TRPM8: variants seen among roughly 807,000 people sequenced by gnomAD.
TRPM8 encodes the protein transient receptor potential cation channel subfamily M member 8.
TRPM8 carries 110 observed loss-of-function variants against 133.7 expected under a neutral mutation model. That is an observed-to-expected ratio of 0.82 (90% confidence interval 0.70 to 0.96). TRPM8 has a LOEUF of 0.96. Ranked by LOEUF, TRPM8 falls within the 40% of genes least tolerant of loss-of-function variation. The probability of loss-of-function intolerance (pLI) is 0.00; values close to 1 mark genes in which losing one functional copy is unlikely to be tolerated. For missense variants in TRPM8, 1,291 were observed against 1,379.5 expected, an observed-to-expected ratio of 0.94 and a Z score of 1.02; for synonymous variants, 535 against 532.3, an observed-to-expected ratio of 1.01 and a Z score of -0.07.
chr2:233,995,848 C>T (rs1692388574), intron 21 of TRPM8, among the ~76,000 whole-genome samples: 1 of 151,748 alleles, frequency 6.6e-6, no homozygotes, highest in African/African-American at 2.4e-5. Flanking sequence ...GGTAGATTCC[C>T]AGAAGTAAAG....
intron 12 of TRPM8, among the ~76,000 whole-genome samples, chr2:233,963,014 T>C (rs1361319264): frequency 4.6e-5 from 7 of 152,222 alleles, no homozygotes; most frequent in Non-Finnish European, 7.3e-5. Flanking sequence ...TCAGGAGTCA[T>C]TCAGTTTTCA....
intron 11 of TRPM8, among the ~76,000 whole-genome samples, chr2:233,956,657 A>G (rs567072800): frequency 6.6e-6 from 1 of 152,342 alleles, no homozygotes; most frequent in African/African-American, 2.4e-5. Context: ...CTATTGTTGT[A>G]TAATCAAAGA....
chr2:233,927,738 CTTT>C (rs1691552710), intron 2 of TRPM8, among the ~76,000 whole-genome samples: 1 of 58,980 alleles, frequency 1.7e-5, no homozygotes, highest in Non-Finnish European at 2.6e-5. Context: ...TTCTTTCTTT[CTTT>C]CTTTCTTTCT....
chr2:233,953,072 C>A (rs1691206613), intron 9 of TRPM8, among the ~76,000 whole-genome samples: 1 of 152,156 alleles, frequency 6.6e-6, no homozygotes, highest in African/African-American at 2.4e-5. Flanking sequence ...AGTTTTCATT[C>A]ATTTCCTCAT....
rs1692216222 is a variant in TRPM8 at position 233,989,140 on chromosome 2, G to C, written c.2939+3275G>C. On this transcript the variant is annotated intron_variant, in intron 21 of 25. Transcript: ENST00000324695. The surrounding 1 kb of genome is among the most constrained non-coding windows in gnomAD (Gnocchi z 4.2). ...AGAGCTTTTTTGAATCTATGCACAT[G>C]AGCTGTCTGAAGGAGCCATTCATGA... Among the ~76,000 whole-genome samples the C allele has an allele frequency of 6.6e-6, 1 of 152,182 alleles. No homozygotes were observed. Among genetic ancestry groups the C allele is most frequent in the Non-Finnish European group, 1.5e-5 (1 of 68,044 alleles).
chr2:233,987,241 G>A (rs1559542882), intron 21 of TRPM8, among the ~76,000 whole-genome samples: 1 of 152,132 alleles, frequency 6.6e-6, no homozygotes, highest in Non-Finnish European at 1.5e-5. Context: ...ATCTATATCT[G>A]TTAACTTGAA....
intron 22 of TRPM8, among the ~76,000 whole-genome samples, chr2:234,005,927 TACACACAC>T (rs35379195): frequency 6.7e-4 from 91 of 136,078 alleles, no homozygotes; most frequent in African/African-American, 1.4e-3. Flanking sequence ...AAACGTCATC[TACACACAC>T]ACACACACAC....
intron 22 of TRPM8, among the ~76,000 whole-genome samples, chr2:234,001,410 A>G (rs1447971542): frequency 2.0e-5 from 3 of 152,206 alleles, no homozygotes; most frequent in African/African-American, 7.2e-5. Flanking sequence ...CCAGAAACCA[A>G]TGAAAAAAGT....
Position 233,951,975 on chromosome 2 carries a change from A to G in TRPM8, c.1140+1829A>G, listed in dbSNP as rs186494891. On this transcript the variant is annotated intron_variant, in intron 9 of 25. Coordinates refer to ENST00000324695, the MANE Select transcript of TRPM8 (RefSeq NM_024080.5). The stretch of plus-strand genomic sequence containing the variant: ...GTTTCTTGACCACTCTAAGCGATGC[A>G]TTATACCTCTCCCACTGGGCTCACA... Among the ~76,000 whole-genome samples the G allele has an allele frequency of 3.3e-5, 5 of 152,256 alleles. No individual in the cohort carries two copies. In the East Asian group the frequency reaches 7.7e-4, roughly 24 times the overall value.
intron 22 of TRPM8, among the ~76,000 whole-genome samples, chr2:233,998,788 CAGA>C (rs1184625877): frequency 6.6e-6 from 1 of 152,076 alleles, no homozygotes; most frequent in Non-Finnish European, 1.5e-5. Flanking sequence ...TTAAGGTGAG[CAGA>C]TTCTACCCAT....
Position 234,006,877 on chromosome 2 carries a change from C to T in TRPM8, c.3155C>T (p.Thr1052Ile), listed in dbSNP as rs770106145. 1.9e-6 allele frequency: 3 copies of T among 1,613,744 alleles called. No homozygotes were observed. The highest frequency in any genetic ancestry group is 1.7e-6 in the Non-Finnish European group (2 of 1,179,714). The part of the protein sequence containing the change: ...VCCFKNEDNE[T>I]LAWEGVMKEN... ...GGTTTCAAAAATGAAGACAATGAGACTCTGGCATGGGAGGGTGTCATGAAG... is the reference window on the plus strand; with the variant it reads ...GGTTTCAAAAATGAAGACAATGAGATTCTGGCATGGGAGGGTGTCATGAAG... The change falls in exon 23 of 26, where the codon ACT (threonine) becomes ATT (isoleucine). Residue 1052 changes from threonine (T) to isoleucine (I), a missense_variant. By Grantham distance (89) the Thr-to-Ile change is moderately conservative. Coordinates refer to ENST00000324695, the MANE Select transcript of TRPM8 (RefSeq NM_024080.5).
At chr2:233,917,928 G>A (rs904822898) in intron 1 of TRPM8, among the ~76,000 whole-genome samples, 1 of 152,178 alleles carries the variant, frequency 6.6e-6, no homozygotes, top group Non-Finnish European at 1.5e-5. Context: ...GGTATATTTA[G>A]CTTGTTTTTA....
rs967644622 is a variant in TRPM8, at chr2:233,985,059, C to T, written c.2762-629C>T. ...AGATAGTGCCACTGCACTCCAGCCT[C>T]GGCATCAGAGTGAGATTCTGTCTGA... On this transcript the variant is annotated intron_variant, in intron 20 of 25. Transcript: ENST00000324695. 7.4e-5 allele frequency among the ~76,000 whole-genome samples: 11 copies of T among 149,588 alleles called. No individual in the cohort carries two copies. In the East Asian group the frequency reaches 9.8e-4, roughly 13 times the overall value.
At chr2:233,952,063 C>T (rs1305903394) in intron 9 of TRPM8, among the ~76,000 whole-genome samples, 1 of 152,184 alleles carries the variant, frequency 6.6e-6, no homozygotes, top group African/African-American at 2.4e-5. Flanking sequence ...TTCTCGAGAA[C>T]TTGACTCTCC....
chr2:233,998,098 C>T (rs1448279315), intron 22 of TRPM8, among the ~76,000 whole-genome samples: 1 of 152,126 alleles, frequency 6.6e-6, no homozygotes, highest in Non-Finnish European at 1.5e-5. Context: ...GCACCCCTGG[C>T]CTTTTTCCTC....
intron 20 of TRPM8, among the ~76,000 whole-genome samples, chr2:233,984,657 C>T (rs996602839): frequency 6.6e-6 from 1 of 152,204 alleles, no homozygotes. Context: ...TAGGCACAAC[C>T]TCCTCACCTT....
At position 233,955,239 on chromosome 2, in the gene TRPM8, C is replaced by A. The variant is rs182733234; in HGVS notation, c.1351C>A (p.Arg451Ser). The change falls in exon 11 of 26, where the codon CGC becomes AGC. Residue 451 changes from arginine to serine, a missense_variant. By Grantham distance (110) the Arg-to-Ser change is moderately radical (BLOSUM62 -1). Transcript: ENST00000324695. ...CAATGATGAGATTTTCACCAATGAC[C>A]GCCGATGGGAGGTAAGCACGAAGCT... is the stretch of plus-strand genomic sequence containing the variant. ...LANDEIFTND[R>S]RWESADLQEV... The A allele has an allele frequency of 5.2e-4, 834 of 1,613,498 alleles. 1 individual carries two copies. The highest frequency in any genetic ancestry group is 6.8e-4 in the Non-Finnish European group (805 of 1,179,630).
chr2:233,924,023 C>CAG (rs36087103), intron 1 of TRPM8, among the ~76,000 whole-genome samples: 15,606 of 152,178 alleles, frequency 0.1, 907 homozygotes, highest in East Asian at 0.21. Flanking sequence ...CTAATAAAAA[C>CAG]AACTACTTTT....
intron 3 of TRPM8, among the ~76,000 whole-genome samples, chr2:233,932,662 T>A (rs1406191343): frequency 1.3e-5 from 2 of 151,928 alleles, no homozygotes; most frequent in Non-Finnish European, 2.9e-5. Flanking sequence ...AAGGGAGATG[T>A]GGTGGGCAGC....
Sources: allele counts gnomAD v4.1 joint callset (sites outside exome capture counted in the v4.1 genomes callset), GRCh38; gene constraint gnomAD v4.1.1; non-coding constraint Gnocchi (gnomAD v3.1); transcripts MANE v1.5; gene names NCBI Gene and HGNC (gene_info 2026-07-23, HGNC 2026-07-21).